MMS22L: variants seen among roughly 807,000 people sequenced by gnomAD.
The protein encoded by MMS22L is MMS22 like, DNA repair protein.
Under a neutral mutation model 159.1 loss-of-function variants are expected in MMS22L, and 74 were observed. The ratio of observed to expected loss-of-function variants is 0.47; its 90% CI spans 0.39 to 0.56. The LOEUF (loss-of-function observed/expected upper bound fraction) is 0.56, where lower values mean the gene tolerates loss of function less well. Among genes scored for constraint, MMS22L ranks in the 20% least tolerant of loss-of-function variants. MMS22L has a pLI of 0.00. For missense variants in MMS22L, 1,351 were observed against 1,422.1 expected (o/e 0.95, Z 0.80); for synonymous variants, 517 against 506.9 (o/e 1.02, Z -0.27).
intron 14 of MMS22L, among the ~76,000 whole-genome samples, chr6:97,213,832 T>C (rs1808663755): frequency 6.6e-6 from 1 of 152,158 alleles, no homozygotes; most frequent in Admixed American, 6.5e-5. Flanking sequence ...ATACTAATAC[T>C]GGAAAATAAA....
chr6:97,255,333 T>C (rs1055587379), intron 9 of MMS22L, among the ~76,000 whole-genome samples: 9 of 152,196 alleles, frequency 5.9e-5, no homozygotes, highest in African/African-American at 2.2e-4. Flanking sequence ...CTTTCTAATG[T>C]ATACAGAAAC....
intron 14 of MMS22L, among the ~76,000 whole-genome samples, chr6:97,213,054 T>C (rs528079759): frequency 1.3e-4 from 20 of 152,136 alleles, no homozygotes; most frequent in Non-Finnish European, 2.1e-4. Context: ...TGTGTGTGTG[T>C]GCGTGTGTGT....
At chr6:97,281,571 T>C (rs564492527) in intron 2 of MMS22L, among the ~76,000 whole-genome samples, 1 of 152,326 alleles carries the variant, frequency 6.6e-6, no homozygotes, top group African/African-American at 2.4e-5. Flanking sequence ...GACTAAAGTG[T>C]AATGTAACTT....
Position 97,145,255 on chromosome 6 carries a change from G to A in MMS22L, c.*1551C>T, listed in dbSNP as rs1286292110. 1 of 152,138 alleles carries A rather than the reference G, an allele frequency of 6.6e-6. No individual in the cohort carries two copies. The highest frequency in any genetic ancestry group is 1.5e-5 in the Non-Finnish European group (1 of 68,008). 9.4% of individuals were successfully genotyped at this position (152,138 alleles called of 1,614,324 possible). A position where few individuals can be genotyped will look rare whatever the true frequency, so the allele number is the denominator to read the frequency against. On this transcript the variant is annotated 3_prime_UTR_variant, in exon 25 of 25. Coordinates refer to ENST00000683635, the MANE Select transcript of MMS22L (RefSeq NM_001350599.2). ...GCTTTCATTTATTCCCTTTGATGAA[G>A]CTGATTTGAGAGAAGGACCATTTAT...
chr6:97,266,480 T>C, intron 8 of MMS22L: 1 of 152,234 alleles, frequency 6.6e-6, no homozygotes, highest in East Asian at 1.9e-4. Context: ...AATACAGTCA[T>C]GTGTCACTTA....
intron 14 of MMS22L, among the ~76,000 whole-genome samples, chr6:97,219,071 T>TC (rs1809340142): frequency 6.6e-6 from 1 of 152,114 alleles, no homozygotes; most frequent in Admixed American, 6.6e-5. Flanking sequence ...ACCCCCATGA[T>TC]CCAATCACCT....
intron 14 of MMS22L, among the ~76,000 whole-genome samples, chr6:97,214,123 A>G (rs1165587436): frequency 6.6e-6 from 1 of 152,206 alleles, no homozygotes; most frequent in African/African-American, 2.4e-5. Flanking sequence ...TTCTACACAT[A>G]ATCAAACAAG....
At chr6:97,165,551 A>G in intron 20 of MMS22L, 94 bp from the exon 21 acceptor site, 1 of 975,670 alleles carries the variant, frequency 1.0e-6, no homozygotes, top group Admixed American at 2.5e-5. Flanking sequence ...AGCATTAATA[A>G]TCATGTGAGA....
Position 97,173,199 on chromosome 6 carries a change from G to A in MMS22L, c.2703C>T (p.Asn901=), listed in dbSNP as rs369509734. ...FFEAVGVTYG[N]VQTLSDKSAM... ...CAGATTTATCAGAAAGTGTCTGGAC[G>A]TTCCCGTAAGTTACACCAACAGCCT... Residue 901 remains asparagine (N), a synonymous_variant, in exon 19 of 25, where the codon AAC becomes AAT. Transcript: ENST00000683635. 3.9e-5 allele frequency: 63 copies of A among 1,612,974 alleles called. No individual in the cohort carries two copies. Among genetic ancestry groups the A allele is most frequent in the African/African-American group, 1.6e-4 (12 of 74,832 alleles).
At position 97,178,574 on chromosome 6, in the gene MMS22L, T is replaced by C. The variant is rs1441330268; in HGVS notation, c.2548A>G (p.Met850Val). Residue 850 changes from methionine to valine, a missense_variant, in exon 18 of 25, where the codon ATG (methionine) becomes GTG (valine). By Grantham distance (21) the Met-to-Val change is conservative. Transcript: ENST00000683635. Reference sequence around the variant, plus strand: ...CTTGTCAGTTTGACCAACTGTTTCATGTACTCTTTTTCTGTTAAAATAAAA... The same window carrying C: ...CTTGTCAGTTTGACCAACTGTTTCACGTACTCTTTTTCTGTTAAAATAAAA... Reference protein sequence around the residue: ...NLEEAVEKEYMKQLVKLTRLL... With the variant: ...NLEEAVEKEYVKQLVKLTRLL... 5 of 1,517,432 alleles carry C rather than the reference T, an allele frequency of 3.3e-6. No homozygotes were observed. The highest frequency in any genetic ancestry group is 4.5e-6 in the Non-Finnish European group (5 of 1,111,248). The allele number at this position is 1,517,432 out of a possible 1,614,324, so 94.0% of individuals were successfully genotyped here.
Position 97,272,438 on chromosome 6 carries a change from C to T in MMS22L, c.606+266G>A. 3 of 319,594 alleles carry T rather than the reference C, an allele frequency of 9.4e-6. No individual in the cohort carries two copies. In the South Asian group the frequency reaches 1.9e-4, roughly 21 times the overall value. The allele number at this position is 319,594 out of a possible 1,614,324, so 19.8% of individuals were successfully genotyped here. A position where few individuals can be genotyped will look rare whatever the true frequency, so the allele number is the denominator to read the frequency against. ...AGAATAGCTACTGATTCAATGACTA[C>T]TATGTTTTAATAACTTCATGTATAT... On this transcript the variant is annotated intron_variant, in intron 6 of 24. Transcript: ENST00000683635.
At chr6:97,201,851 G>A (rs1807203213) in intron 14 of MMS22L, among the ~76,000 whole-genome samples, 1 of 152,222 alleles carries the variant, frequency 6.6e-6, no homozygotes, top group Non-Finnish European at 1.5e-5. Context: ...AGAAATGACT[G>A]GATAAATATT....
rs1379512761 is a variant in MMS22L at position 97,229,308 on chromosome 6, G to T, written c.1625C>A (p.Ala542Glu). Residue 542 changes from alanine to glutamate, a missense_variant, in exon 14 of 25, where the codon GCA becomes GAA. Physicochemically the swap from Ala to Glu is moderately radical, Grantham distance 107 (BLOSUM62 -1). Transcript: ENST00000683635. ...ATGACTTGCAACATCTTCTACCTCTGCAACAGCTGCTAACAGTAGAAAAAG... is the reference window on the plus strand; with the variant it reads ...ATGACTTGCAACATCTTCTACCTCTTCAACAGCTGCTAACAGTAGAAAAAG... ...FSLFLLLAAV[A>E]EVEDVASHVL... 1 of 1,614,044 alleles carries T rather than the reference G, an allele frequency of 6.2e-7. No individual in the cohort carries two copies. The highest frequency in any genetic ancestry group is 8.5e-7 in the Non-Finnish European group (1 of 1,179,982).
At position 97,214,565 on chromosome 6, in the gene MMS22L, T is replaced by G. The variant is rs139318388; in HGVS notation, c.2039+14329A>C. 1.2e-3 allele frequency among the ~76,000 whole-genome samples: 189 copies of G among 152,204 alleles called. 1 individual carries two copies. Among genetic ancestry groups the G allele is most frequent in the African/African-American group, 4.2e-3 (174 of 41,576 alleles). The stretch of plus-strand genomic sequence containing the variant: ...TTTTAAAAAATCCATCTACATTTTC[T>G]AAGTTTAACACCAGAAATATATATA... On this transcript the variant is annotated intron_variant, in intron 14 of 24. Coordinates refer to ENST00000683635, the MANE Select transcript of MMS22L (RefSeq NM_001350599.2).
intron 19 of MMS22L, among the ~76,000 whole-genome samples, chr6:97,170,475 T>G (rs1803422031): frequency 6.6e-6 from 1 of 150,506 alleles, no homozygotes; most frequent in Non-Finnish European, 1.5e-5. Context: ...TTTTTTTTTC[T>G]TTTTCTGGCT....
At chr6:97,200,027 T>C (rs1170790712) in intron 14 of MMS22L, among the ~76,000 whole-genome samples, 1 of 152,094 alleles carries the variant, frequency 6.6e-6, no homozygotes, top group Non-Finnish European at 1.5e-5. Context: ...ACTCCTCTTC[T>C]GCCTTATTTT....
At chr6:97,220,187 G>A (rs1250814460) in intron 14 of MMS22L, among the ~76,000 whole-genome samples, 3 of 152,158 alleles carry the variant, frequency 2.0e-5, no homozygotes, top group Non-Finnish European at 4.4e-5. Context: ...TGGACAAGAA[G>A]ATATAAATAA....
chr6:97,212,763 C>A (rs1808527293), intron 14 of MMS22L, among the ~76,000 whole-genome samples: 1 of 152,058 alleles, frequency 6.6e-6, no homozygotes, highest in Non-Finnish European at 1.5e-5. Context: ...AAAGACTATT[C>A]TATGTATGAT....
chr6:97,279,266 G>A (rs1352778302), intron 3 of MMS22L, among the ~76,000 whole-genome samples: 8 of 150,088 alleles, frequency 5.3e-5, no homozygotes, highest in South Asian at 2.1e-4. Context: ...GGCGGATTAC[G>A]AGGTCAGGAG....
Sources: allele counts gnomAD v4.1 joint callset (sites outside exome capture counted in the v4.1 genomes callset), GRCh38; gene constraint gnomAD v4.1.1; transcripts MANE v1.5; gene names NCBI Gene and HGNC (gene_info 2026-07-23, HGNC 2026-07-21).